Variants in BTBD9 observed in about 807,000 individuals in gnomAD.
BTBD9 encodes the protein BTB/POZ domain-containing protein 9.
BTBD9 carries 49 observed loss-of-function variants against 64.3 expected under a neutral mutation model. That is an observed-to-expected ratio of 0.76 (90% CI 0.61 to 0.97). BTBD9 has a LOEUF of 0.97. Among genes scored for constraint, BTBD9 ranks in the 50% least tolerant of loss-of-function variants. The probability of loss-of-function intolerance (pLI) is 0.00; values close to 1 mark genes in which losing one functional copy is unlikely to be tolerated. For missense variants in BTBD9, 598 were observed against 762.1 expected (o/e 0.78, Z 2.53); for synonymous variants, 260 against 274.7 (o/e 0.95, Z 0.53).
chr6:38,413,256 C>T (rs1767517988), intron 6 of BTBD9, among the ~76,000 whole-genome samples: 1 of 152,124 alleles, frequency 6.6e-6, no homozygotes, highest in Non-Finnish European at 1.5e-5. Flanking sequence ...GAAATGTCCA[C>T]GTGGGTGGCA....
chr6:38,243,608 C>T lies in BTBD9; in HGVS notation c.1562+12801G>A, dbSNP rs544153259. Among the ~76,000 whole-genome samples, 5 of 152,190 alleles carry T rather than the reference C, an allele frequency of 3.3e-5. No individual in the cohort carries two copies. In the South Asian group the frequency reaches 8.3e-4, roughly 25 times the overall value. On this transcript the variant is annotated intron_variant, in intron 9 of 10. Coordinates refer to ENST00000481247, the MANE Select transcript of BTBD9 (RefSeq NM_001099272.2). ...CAGAAAGGATATAGCACCTGAATGACTGTGGAGGGCAAAGAAGAAAGACTC... is the reference window on the plus strand; with the variant it reads ...CAGAAAGGATATAGCACCTGAATGATTGTGGAGGGCAAAGAAGAAAGACTC...
intron 6 of BTBD9, among the ~76,000 whole-genome samples, chr6:38,430,815 T>C (rs1323211723): frequency 3.3e-5 from 5 of 151,874 alleles, no homozygotes; most frequent in Non-Finnish European, 7.4e-5. Context: ...CCAATAGGAT[T>C]TTCATTCCCA....
chr6:38,286,718 T>C (rs1761740677), intron 8 of BTBD9, among the ~76,000 whole-genome samples: 1 of 152,152 alleles, frequency 6.6e-6, no homozygotes, highest in Admixed American at 6.5e-5. Context: ...TCTCATAAGA[T>C]ATAATGAAGC....
chr6:38,593,623 A>G (rs1776907028), intron 3 of BTBD9, among the ~76,000 whole-genome samples: 1 of 152,158 alleles, frequency 6.6e-6, no homozygotes. Flanking sequence ...TATTAGTCAC[A>G]CTCTCTGTCA....
At chr6:38,198,052 C>T (rs1236231520) in intron 9 of BTBD9, among the ~76,000 whole-genome samples, 6 of 152,036 alleles carry the variant, frequency 3.9e-5, no homozygotes, top group African/African-American at 9.7e-5. Flanking sequence ...GAAGTATATG[C>T]AAAAAATATT....
Position 38,496,674 on chromosome 6 carries a change from A to C in BTBD9, c.1154+80926T>G, listed in dbSNP as rs1475413096. 5.4e-4 allele frequency among the ~76,000 whole-genome samples: 81 copies of C among 150,128 alleles called. 2 individuals are homozygous for C. Among genetic ancestry groups the C allele is most frequent in the Admixed American group, 5.2e-3 (79 of 15,094 alleles). On this transcript the variant is annotated intron_variant, in intron 6 of 10. Coordinates refer to ENST00000481247, the MANE Select transcript of BTBD9 (RefSeq NM_001099272.2). ...GTCTCTTAAAAAAAAAAAAAAAAAG[A>C]GAGAGAGAGATGGAAATCAGCTTCA...
At chr6:38,371,790 C>T (rs1363833830) in intron 6 of BTBD9, among the ~76,000 whole-genome samples, 1 of 152,148 alleles carries the variant, frequency 6.6e-6, no homozygotes, top group Non-Finnish European at 1.5e-5. Flanking sequence ...TATGGTGTGA[C>T]TGTTTTTCGT....
At chr6:38,347,543 T>A (rs1487899150) in intron 6 of BTBD9, among the ~76,000 whole-genome samples, 1 of 152,186 alleles carries the variant, frequency 6.6e-6, no homozygotes, top group Admixed American at 6.5e-5. Flanking sequence ...ATACACATTT[T>A]AAAAAATGTG....
At chr6:38,550,347 C>T (rs1193711159) in intron 6 of BTBD9, among the ~76,000 whole-genome samples, 1 of 146,720 alleles carries the variant, frequency 6.8e-6, no homozygotes, top group Non-Finnish European at 1.5e-5. Flanking sequence ...GATGTTGCCT[C>T]GCTCTGTCGC....
chr6:38,592,879 G>C, intron 3 of BTBD9, 39 bp from the exon 4 acceptor site: 3 of 1,601,030 alleles, frequency 1.9e-6, no homozygotes, highest in Non-Finnish European at 2.6e-6. Flanking sequence ...GTTATATGAA[G>C]TTCAACCACT....
At chr6:38,419,388 G>A (rs867193061) in intron 6 of BTBD9, among the ~76,000 whole-genome samples, 5 of 152,060 alleles carry the variant, frequency 3.3e-5, no homozygotes, top group African/African-American at 9.7e-5. Flanking sequence ...GTATATAAAC[G>A]ATATCTCAAT....
At chr6:38,627,627 G>A (rs1778217349) in intron 1 of BTBD9, among the ~76,000 whole-genome samples, 2 of 152,256 alleles carry the variant, frequency 1.3e-5, no homozygotes, top group South Asian at 4.1e-4. Context: ...CAAAGAGGTG[G>A]AACTGGATGT....
chr6:38,569,729 A>T (rs1487007281), intron 6 of BTBD9, among the ~76,000 whole-genome samples: 1 of 152,212 alleles, frequency 6.6e-6, no homozygotes, highest in Non-Finnish European at 1.5e-5. Context: ...GAATAACTTA[A>T]GGACAAACAG....
intron 7 of BTBD9, among the ~76,000 whole-genome samples, chr6:38,334,405 C>T (rs1279445129): frequency 6.6e-6 from 1 of 151,912 alleles, no homozygotes; most frequent in Non-Finnish European, 1.5e-5. Context: ...ACTAAAAATA[C>T]AAAAATTAGC....
At chr6:38,284,449 G>A (rs1761642846) in intron 8 of BTBD9, among the ~76,000 whole-genome samples, 2 of 152,136 alleles carry the variant, frequency 1.3e-5, no homozygotes, top group South Asian at 2.1e-4. Flanking sequence ...AGGCCAAGGT[G>A]GCCTTGCCAC....
chr6:38,487,396 T>C (rs546969329), intron 6 of BTBD9, among the ~76,000 whole-genome samples: 4 of 152,032 alleles, frequency 2.6e-5, no homozygotes, highest in South Asian at 2.1e-4. Context: ...GCTTGAGCAA[T>C]GTGGGGAAAC....
At chr6:38,539,935 C>A (rs12206371) in intron 6 of BTBD9, among the ~76,000 whole-genome samples, 31,159 of 152,088 alleles carry the variant, frequency 0.2, 3,673 homozygotes, top group Non-Finnish European at 0.29. Context: ...GTATTTCTAG[C>A]AACTTTTAGG....
At chr6:38,304,471 G>A (rs551093146) in intron 7 of BTBD9, among the ~76,000 whole-genome samples, 9 of 152,038 alleles carry the variant, frequency 5.9e-5, no homozygotes, top group Middle Eastern at 3.4e-3. Context: ...GCTTGAATCC[G>A]GGAGGCAGAA....
At chr6:38,442,859 G>A (rs113092894) in intron 6 of BTBD9, among the ~76,000 whole-genome samples, 1 of 151,758 alleles carries the variant, frequency 6.6e-6, no homozygotes, top group South Asian at 2.1e-4. Flanking sequence ...AGTAGATAGG[G>A]GTTTTTCCAT....
Sources: allele counts gnomAD v4.1 joint callset (sites outside exome capture counted in the v4.1 genomes callset), GRCh38; gene constraint gnomAD v4.1.1; transcripts MANE v1.5; gene names NCBI Gene and HGNC (gene_info 2026-07-23, HGNC 2026-07-21).